ASIC2: variants seen among roughly 807,000 people sequenced by gnomAD.
ASIC2 encodes the protein acid sensing ion channel subunit 2, also known as acid-sensing ion channel 2.
In ASIC2, 25 loss-of-function variants were observed where a neutral mutation model predicts 57.3. That is an observed-to-expected ratio of 0.44 (90% CI 0.32 to 0.61). The LOEUF is 0.61. Ranked by LOEUF, ASIC2 falls within the 20% of genes least tolerant of loss-of-function variation. The probability of loss-of-function intolerance (pLI) is 0.06; values close to 1 mark genes in which losing one functional copy is unlikely to be tolerated. For synonymous variants in ASIC2, 319 were observed against 307.5 expected, an observed-to-expected ratio of 1.04 and a Z score of -0.39; for missense variants, 641 against 738.1, an observed-to-expected ratio of 0.87 and a Z score of 1.52.
intron 1 of ASIC2, among the ~76,000 whole-genome samples, chr17:33,939,378 C>G (rs183300453): frequency 1.3e-5 from 2 of 152,316 alleles, no homozygotes; most frequent in South Asian, 2.1e-4. Flanking sequence ...TCTCTTGGCT[C>G]TAGGCCTGGT....
chr17:33,116,177 C>A (rs2092280141), intron 1 of ASIC2, among the ~76,000 whole-genome samples: 2 of 152,230 alleles, frequency 1.3e-5, no homozygotes, highest in African/African-American at 4.8e-5. Context: ...TGGCTGCATG[C>A]CTTTGCTGGT....
intron 1 of ASIC2, among the ~76,000 whole-genome samples, chr17:33,874,702 C>A (rs577984035): frequency 6.6e-6 from 1 of 152,324 alleles, no homozygotes; most frequent in East Asian, 1.9e-4. Context: ...GCATCCCCAC[C>A]CTCCTTTGCT....
intron 1 of ASIC2, among the ~76,000 whole-genome samples, chr17:33,790,802 CAAT>C (rs1911747334): frequency 6.6e-6 from 1 of 152,174 alleles, no homozygotes; most frequent in African/African-American, 2.4e-5. Flanking sequence ...GATCTAACAA[CAAT>C]AACAATATTA....
At chr17:33,271,691 C>T (rs191467464) in intron 1 of ASIC2, among the ~76,000 whole-genome samples, 3 of 152,360 alleles carry the variant, frequency 2.0e-5, no homozygotes, top group Admixed American at 6.5e-5. Context: ...AAACCCTAGT[C>T]CAGTCCACCA....
intron 1 of ASIC2, among the ~76,000 whole-genome samples, chr17:33,389,027 T>G (rs1267481351): frequency 1.3e-5 from 2 of 152,210 alleles, no homozygotes; most frequent in Non-Finnish European, 2.9e-5. Context: ...TGGCACAATC[T>G]TGGCTCACTG....
intron 1 of ASIC2, among the ~76,000 whole-genome samples, chr17:33,397,676 C>T (rs1368493810): frequency 2.0e-5 from 3 of 152,124 alleles, no homozygotes; most frequent in Non-Finnish European, 2.9e-5. Context: ...AGAGATAGCC[C>T]TTGGAACCCT....
At chr17:33,091,052 G>T (rs1467806227) in intron 2 of ASIC2, among the ~76,000 whole-genome samples, 1 of 152,168 alleles carries the variant, frequency 6.6e-6, no homozygotes, top group Non-Finnish European at 1.5e-5. Context: ...CTGTGGCTTT[G>T]TGTCAATCTC....
At position 33,621,368 on chromosome 17, in the gene ASIC2, C is replaced by T. The variant is rs192274811; in HGVS notation, c.556-509301G>A. Among the ~76,000 whole-genome samples, 12 of 152,310 alleles carry T rather than the reference C, an allele frequency of 7.9e-5. No individual in the cohort carries two copies. In the East Asian group the frequency reaches 1.5e-3, roughly 20 times the overall value. On this transcript the variant is annotated intron_variant, in intron 1 of 9. Transcript: ENST00000359872. ...TTATTAGATGCATAAAGAAACAATACTGCAAATGTCTCAGGCAGATAGATC... is the reference window on the plus strand; with the variant it reads ...TTATTAGATGCATAAAGAAACAATATTGCAAATGTCTCAGGCAGATAGATC...
At chr17:33,505,564 G>C (rs1272273054) in intron 1 of ASIC2, among the ~76,000 whole-genome samples, 1 of 152,098 alleles carries the variant, frequency 6.6e-6, no homozygotes, top group Admixed American at 6.5e-5. Context: ...CCTTTTTATG[G>C]TTCCCCATCA....
intron 1 of ASIC2, among the ~76,000 whole-genome samples, chr17:33,262,756 T>A (rs1376630510): frequency 6.6e-6 from 1 of 152,018 alleles, no homozygotes; most frequent in African/African-American, 2.4e-5. Context: ...CAAATAAACA[T>A]GTAATCACAC....
At chr17:34,151,611 T>C (rs1489189933) in intron 1 of ASIC2, among the ~76,000 whole-genome samples, 1 of 152,118 alleles carries the variant, frequency 6.6e-6, no homozygotes, top group East Asian at 1.9e-4. Context: ...GCAGAATTAA[T>C]ATGAAGAGCA....
At chr17:33,456,921 G>A (rs966654674) in intron 1 of ASIC2, among the ~76,000 whole-genome samples, 4 of 152,176 alleles carry the variant, frequency 2.6e-5, no homozygotes, top group Non-Finnish European at 5.9e-5. Context: ...TCCTAAATGT[G>A]GCAAAGTGTC....
At chr17:33,320,401 C>G (rs768206105) in intron 1 of ASIC2, among the ~76,000 whole-genome samples, 2 of 152,102 alleles carry the variant, frequency 1.3e-5, no homozygotes, top group African/African-American at 4.8e-5. Flanking sequence ...CTCACTCTTA[C>G]GGAAGGAGTT....
intron 1 of ASIC2, among the ~76,000 whole-genome samples, chr17:33,878,132 G>A (rs1022280633): frequency 6.6e-5 from 10 of 152,020 alleles, no homozygotes; most frequent in Admixed American, 6.6e-4. Context: ...AAAGACCAAA[G>A]GTAGATAAAA....
chr17:33,639,461 T>A, intron 1 of ASIC2, among the ~76,000 whole-genome samples: 1 of 152,164 alleles, frequency 6.6e-6, no homozygotes, highest in Non-Finnish European at 1.5e-5. Context: ...CTTATGTTTA[T>A]CTTACACCCA....
chr17:34,114,992 G>A (rs925714839), intron 1 of ASIC2, among the ~76,000 whole-genome samples: 21 of 152,294 alleles, frequency 1.4e-4, no homozygotes, highest in African/African-American at 5.1e-4. Context: ...GAGATTTCAA[G>A]GAACCACTTG....
At chr17:33,884,681 A>C (rs1914785037) in intron 1 of ASIC2, among the ~76,000 whole-genome samples, 1 of 151,774 alleles carries the variant, frequency 6.6e-6, no homozygotes, top group Non-Finnish European at 1.5e-5. Flanking sequence ...TTATATCTTC[A>C]ATATATTGGC....
In ASIC2 at chr17:33,683,973, G is replaced by T. The variant is rs531906994; in HGVS notation, c.555+472005C>A. Among the ~76,000 whole-genome samples, 29 of 152,292 alleles carry T rather than the reference G, an allele frequency of 1.9e-4. No individual in the cohort carries two copies. In the South Asian group the frequency reaches 5.8e-3, roughly 30 times the overall value. On this transcript the variant is annotated intron_variant, in intron 1 of 9. Coordinates refer to the ASIC2 transcript ENST00000359872. The stretch of plus-strand genomic sequence containing the variant: ...AGGACACTCCAACGTACGAATTTAG[G>T]GGGAGGAATACGATTTAACCCAATA...
intron 1 of ASIC2, among the ~76,000 whole-genome samples, chr17:34,075,064 C>G (rs1030076253): frequency 6.6e-6 from 1 of 152,028 alleles, no homozygotes; most frequent in African/African-American, 2.4e-5. Flanking sequence ...GGATTACAGG[C>G]GTGAGCCACC....
Sources: gnomAD v4.1 joint callset for allele counts (sites outside exome capture counted in the v4.1 genomes callset) on GRCh38, gnomAD v4.1.1 for gene constraint, MANE v1.5 for transcripts, NCBI Gene and HGNC (gene_info 2026-07-23, HGNC 2026-07-21) for gene names.